The following MAP3K20 variants were observed in gnomAD, a reference collection of about 807,000 sequenced individuals.
The protein encoded by MAP3K20 is mitogen-activated protein kinase kinase kinase 20, also known as HCCS-4.
MAP3K20 carries 40 observed loss-of-function variants against 85.7 expected under a neutral mutation model. The ratio of observed to expected loss-of-function variants is 0.47; its 90% confidence interval spans 0.36 to 0.61. MAP3K20 has a LOEUF of 0.61. Among genes scored for constraint, MAP3K20 ranks in the 20% least tolerant of loss-of-function variants. The pLI is 0.00. For synonymous variants in MAP3K20, 325 were observed against 327.7 expected, an observed-to-expected ratio of 0.99 and a Z score of 0.09; for missense variants, 817 against 961.7, an observed-to-expected ratio of 0.85 and a Z score of 1.99.
At chr2:173,172,667 G>A (rs1230489199) in intron 3 of MAP3K20, among the ~76,000 whole-genome samples, 1 of 152,106 alleles carries the variant, frequency 6.6e-6, no homozygotes, top group African/African-American at 2.4e-5. Context: ...GAGACTAAGA[G>A]GTAGCTGCCA....
chr2:173,149,202 T>C (rs1375768366), intron 2 of MAP3K20, among the ~76,000 whole-genome samples: 1 of 152,262 alleles, frequency 6.6e-6, no homozygotes, highest in Non-Finnish European at 1.5e-5. Flanking sequence ...AAGTGTATTC[T>C]CATGGTACTT....
chr2:173,234,796 TTACAA>T (rs1317109861), intron 14 of MAP3K20, among the ~76,000 whole-genome samples: 16 of 152,156 alleles, frequency 1.1e-4, no homozygotes, highest in Admixed American at 1.0e-3. Context: ...CCTGGACAGC[TTACAA>T]CTTCAGGCTG....
At chr2:173,089,068 G>A (rs1687219568) in intron 1 of MAP3K20, among the ~76,000 whole-genome samples, 1 of 152,152 alleles carries the variant, frequency 6.6e-6, no homozygotes, top group Admixed American at 6.5e-5. Context: ...CTAGCCAGCT[G>A]CATGCTAAGA....
intron 2 of MAP3K20, among the ~76,000 whole-genome samples, chr2:173,143,765 TA>T (rs1311561162): frequency 6.6e-6 from 1 of 152,156 alleles, no homozygotes; most frequent in African/African-American, 2.4e-5. Flanking sequence ...ATTGTTTACA[TA>T]AAAAATTTTT....
chr2:173,083,132 G>A (rs1215257952), intron 1 of MAP3K20, among the ~76,000 whole-genome samples: 1 of 152,142 alleles, frequency 6.6e-6, no homozygotes, highest in Non-Finnish European at 1.5e-5. Context: ...TAGAGGAAGG[G>A]GGAAAATATG....
Position 173,258,750 on chromosome 2 carries a change from A to C in MAP3K20, c.1411A>C (p.Thr471Pro). The change falls in exon 17 of 20, where the codon ACC (threonine) becomes CCC (proline). Residue 471 changes from threonine (T) to proline (P), a missense_variant. Around this residue, in one of 4 missense-constraint regions of MAP3K20, gnomAD observed 454 missense variants for 476.9 expected, o/e 0.95. Coordinates refer to ENST00000375213, the MANE Select transcript of MAP3K20 (RefSeq NM_016653.3). ...MEMDGDEIAITYIKDVTFNTN... is the reference protein window; with the variant it reads ...MEMDGDEIAIPYIKDVTFNTN... ...GATGGATGGGGATGAAATTGCAATA[A>C]CCTACATAAAAGATGTGACATTCAA... 1.2e-6 allele frequency: 2 copies of C among 1,613,156 alleles called. No homozygotes were observed. Among genetic ancestry groups the C allele is most frequent in the Non-Finnish European group, 1.7e-6 (2 of 1,179,352 alleles).
intron 7 of MAP3K20, 175 bp from the exon 8 acceptor site, chr2:173,197,851 A>G (rs1690901138): frequency 6.0e-6 from 2 of 335,518 alleles, no homozygotes; most frequent in Non-Finnish European, 1.1e-5. Context: ...AAGAACGTAA[A>G]AAGTATTTAA....
At chr2:173,129,987 T>TA (rs1688560095) in intron 2 of MAP3K20, among the ~76,000 whole-genome samples, 1 of 152,184 alleles carries the variant, frequency 6.6e-6, no homozygotes, top group Non-Finnish European at 1.5e-5. Flanking sequence ...CTCTCTAAAT[T>TA]TGTTTAAGGA....
At chr2:173,134,407 TATATATATATATATATATA>T (rs1688723069) in intron 2 of MAP3K20, among the ~76,000 whole-genome samples, 3 of 10,462 alleles carry the variant, frequency 2.9e-4, no homozygotes, top group East Asian at 3.4e-3. Flanking sequence ...TATATATATA[TATATATATATATATATATA>T]TATTTTTTTT....
intron 16 of MAP3K20, among the ~76,000 whole-genome samples, chr2:173,246,206 G>A (rs1190482830): frequency 6.6e-6 from 1 of 152,154 alleles, no homozygotes; most frequent in Non-Finnish European, 1.5e-5. Context: ...AACCTAGTAA[G>A]GGGCAAATTC....
At chr2:173,174,043 A>G (rs11680555) in intron 3 of MAP3K20, among the ~76,000 whole-genome samples, 25,892 of 152,208 alleles carry the variant, frequency 0.17, 2,490 homozygotes, top group South Asian at 0.33. Context: ...ACAATTTCCA[A>G]TGGGAAAACC....
chr2:173,261,036 T>C, intron 17 of MAP3K20, 27 bp from the exon 18 acceptor site: 1 of 1,609,376 alleles, frequency 6.2e-7, no homozygotes, highest in South Asian at 1.1e-5. Context: ...GTTATGGTAC[T>C]ACACCATCCT....
At position 173,217,249 on chromosome 2, in the gene MAP3K20, C is replaced by T. The variant is rs1483374952; in HGVS notation, c.986C>T (p.Pro329Leu). The T allele has an allele frequency of 4.5e-6, 7 of 1,562,570 alleles. No homozygotes were observed. The highest frequency in any genetic ancestry group is 4.1e-5 in the African/African-American group (3 of 72,896). The change falls in exon 11 of 20, where the codon CCG (proline) becomes CTG (leucine). Residue 329 changes from proline to leucine, a missense_variant and splice_region_variant. Pro to Leu is a moderately conservative substitution (Grantham distance 98). Transcript: ENST00000375213. ...EQKLTEQSNTPLLPSFEIGAW... is the reference protein window; with the variant it reads ...EQKLTEQSNTLLLPSFEIGAW... ...AAGCTGACAGAGCAGTCCAACACCCCGGTGAGTACCCTCCCCCTTCGCCGT... is the reference window on the plus strand; with the variant it reads ...AAGCTGACAGAGCAGTCCAACACCCTGGTGAGTACCCTCCCCCTTCGCCGT...
rs1197353705 is a variant in MAP3K20 at position 173,190,905 on chromosome 2, T to C, written c.426T>C (p.Ala142=). 1.9e-6 allele frequency: 3 copies of C among 1,596,892 alleles called. No homozygotes were observed. Among genetic ancestry groups the C allele is most frequent in the Non-Finnish European group, 2.6e-6 (3 of 1,167,798 alleles). Residue 142 remains alanine (A), a synonymous_variant, in exon 6 of 20, where the codon GCT becomes GCC. Coordinates refer to ENST00000375213, the MANE Select transcript of MAP3K20 (RefSeq NM_016653.3). ...TTTTTCTTTTTTTAGTTGTTATAGC[T>C]GCTGATGGAGTATTGAAGGTAGGAC... ...RDLKSRNVVI[A]ADGVLKICDF...
At chr2:173,241,115 TG>T (rs1312481184) in intron 16 of MAP3K20, among the ~76,000 whole-genome samples, 3 of 152,150 alleles carry the variant, frequency 2.0e-5, no homozygotes, top group Admixed American at 2.0e-4. Context: ...AAGAGGATGC[TG>T]GGATGGTTAA....
intron 11 of MAP3K20, 95 bp downstream of exon 11, chr2:173,217,345 GC>G (rs35141293): frequency 7.6e-7 from 1 of 1,318,186 alleles, no homozygotes; most frequent in Non-Finnish European, 9.8e-7. Context: ...GCCTCCCGCC[GC>G]CCCCTCCTCA....
At chr2:173,132,142 T>C (rs1365184297) in intron 2 of MAP3K20, among the ~76,000 whole-genome samples, 1 of 152,200 alleles carries the variant, frequency 6.6e-6, no homozygotes, top group East Asian at 1.9e-4. Flanking sequence ...GTCATACTTA[T>C]CACTCCTTTC....
In MAP3K20 at chr2:173,198,016, TTTG is replaced by T. The variant is rs760836759; in HGVS notation, c.583-7_583-5del. 1 of 1,605,742 alleles carries T rather than the reference TTTG, an allele frequency of 6.2e-7. No individual in the cohort carries two copies. The highest frequency in any genetic ancestry group is 8.5e-7 in the Non-Finnish European group (1 of 1,176,842). ...ACAAAAATAAAAATTCCATTTTCTT[TTTG>T]TTCCAGGTTCTCTGGGAGATGCTAA... On this transcript the variant is annotated splice_polypyrimidine_tract_variant and splice_region_variant and intron_variant, in intron 7 of 19. Coordinates refer to ENST00000375213, the MANE Select transcript of MAP3K20 (RefSeq NM_016653.3). This position sits in a 1 kb window ranked among gnomAD's most constrained non-coding sequence, Gnocchi z 5.8.
At chr2:173,242,570 T>C (rs1022898517) in intron 16 of MAP3K20, among the ~76,000 whole-genome samples, 3 of 152,096 alleles carry the variant, frequency 2.0e-5, no homozygotes, top group African/African-American at 7.2e-5. Flanking sequence ...TATTTGAAAC[T>C]GAATACAATG....
Sources: allele counts gnomAD v4.1 joint callset (sites outside exome capture counted in the v4.1 genomes callset), GRCh38; gene constraint gnomAD v4.1.1; regional missense constraint gnomAD v4.1.1; non-coding constraint Gnocchi (gnomAD v3.1); transcripts MANE v1.5; gene names NCBI Gene and HGNC (gene_info 2026-07-23, HGNC 2026-07-21).